Variants in MAPK10 observed in about 807,000 individuals in gnomAD.
MAPK10 encodes the protein mitogen-activated protein kinase 10.
MAPK10 carries 25 observed loss-of-function variants against 59.3 expected under a neutral mutation model. The ratio of observed to expected loss-of-function variants is 0.42; its 90% CI spans 0.31 to 0.59. MAPK10 has a LOEUF of 0.59. MAPK10 is among the 20% of genes least tolerant of loss of function. The pLI, the probability that MAPK10 is intolerant of heterozygous loss-of-function variation, is 0.15. For missense variants in MAPK10, 351 were observed against 568.9 expected (o/e 0.62, Z 3.90); for synonymous variants, 190 against 200.5 (o/e 0.95, Z 0.44).
intron 1 of MAPK10, among the ~76,000 whole-genome samples, chr4:86,548,870 C>G (rs530297675): frequency 2.5e-4 from 38 of 152,234 alleles, no homozygotes; most frequent in South Asian, 2.5e-3. Flanking sequence ...AAAGACTAAA[C>G]ACATTCTGAA....
At chr4:86,429,152 T>G (rs1450701326) in intron 1 of MAPK10, among the ~76,000 whole-genome samples, 1 of 152,206 alleles carries the variant, frequency 6.6e-6, no homozygotes, top group African/African-American at 2.4e-5. Flanking sequence ...GCCGCTTGCT[T>G]CCTCAGCACA....
At chr4:86,468,265 C>G (rs1247764987) in intron 1 of MAPK10, among the ~76,000 whole-genome samples, 2 of 152,020 alleles carry the variant, frequency 1.3e-5, no homozygotes, top group Non-Finnish European at 2.9e-5. Context: ...TTTTGCCTAC[C>G]TCTTGAGATG....
At chr4:86,343,602 C>G (rs1726364322) in intron 2 of MAPK10, among the ~76,000 whole-genome samples, 1 of 152,116 alleles carries the variant, frequency 6.6e-6, no homozygotes, top group African/African-American at 2.4e-5. Context: ...TTCACGGACC[C>G]CTGAGTGTCC....
chr4:86,072,145 T>G (rs1168642147), intron 9 of MAPK10, among the ~76,000 whole-genome samples: 2 of 151,250 alleles, frequency 1.3e-5, no homozygotes, highest in African/African-American at 4.9e-5. Context: ...TTTTATTCTC[T>G]TTGAAGCAAT....
intron 2 of MAPK10, among the ~76,000 whole-genome samples, chr4:86,248,692 G>A (rs2093254579): frequency 6.6e-6 from 1 of 152,124 alleles, no homozygotes; most frequent in Non-Finnish European, 1.5e-5. Flanking sequence ...TGAGAATCGG[G>A]ATATACGATC....
intron 11 of MAPK10, among the ~76,000 whole-genome samples, chr4:86,039,473 C>T (rs183835015): frequency 1.3e-5 from 2 of 152,298 alleles, no homozygotes; most frequent in Admixed American, 1.3e-4. Context: ...AGACACCAGG[C>T]TAGTACTTGT....
intron 1 of MAPK10, among the ~76,000 whole-genome samples, chr4:86,443,345 A>G (rs1749639896): frequency 6.6e-6 from 1 of 152,156 alleles, no homozygotes; most frequent in African/African-American, 2.4e-5. Flanking sequence ...CTCAGGAGAA[A>G]CTATTTTACC....
chr4:86,289,528 A>T (rs1452043963), intron 2 of MAPK10, among the ~76,000 whole-genome samples: 1 of 151,282 alleles, frequency 6.6e-6, no homozygotes, highest in East Asian at 1.9e-4. Flanking sequence ...ATAGTATGGG[A>T]TATGTTAATA....
intron 4 of MAPK10, among the ~76,000 whole-genome samples, chr4:86,109,141 C>G (rs1325333949): frequency 6.6e-6 from 1 of 152,198 alleles, no homozygotes; most frequent in Non-Finnish European, 1.5e-5. Context: ...TTCAACAATC[C>G]TGTTCTGACA....
chr4:86,203,775 G>A (rs912110044), intron 2 of MAPK10, among the ~76,000 whole-genome samples: 1 of 150,870 alleles, frequency 6.6e-6, no homozygotes, highest in African/African-American at 2.4e-5. Context: ...ATGTTCAAAA[G>A]GATTCTCCCT....
chr4:86,365,540 G>A (rs923232518), intron 1 of MAPK10, among the ~76,000 whole-genome samples: 1 of 139,376 alleles, frequency 7.2e-6, no homozygotes, highest in Non-Finnish European at 1.5e-5. Context: ...CCTTTTCCAT[G>A]TATAGCATAT....
At chr4:86,318,704 T>C (rs777767491) in intron 2 of MAPK10, among the ~76,000 whole-genome samples, 1 of 152,174 alleles carries the variant, frequency 6.6e-6, no homozygotes, top group Non-Finnish European at 1.5e-5. Flanking sequence ...TGGTAGCACT[T>C]ACATAAATCA....
intron 9 of MAPK10, among the ~76,000 whole-genome samples, chr4:86,074,718 A>G (rs561120767): frequency 3.8e-4 from 54 of 143,470 alleles, no homozygotes; most frequent in Non-Finnish European, 6.1e-4. Flanking sequence ...GTTGAATATT[A>G]GCCCCCACTC....
chr4:86,523,560 C>T (rs540894343), intron 1 of MAPK10, among the ~76,000 whole-genome samples: 5 of 152,332 alleles, frequency 3.3e-5, no homozygotes, highest in Admixed American at 2.6e-4. Context: ...CTCGGATTTA[C>T]ATCACCATTG....
At chr4:86,258,533 C>T (rs2093850716) in intron 2 of MAPK10, among the ~76,000 whole-genome samples, 1 of 152,134 alleles carries the variant, frequency 6.6e-6, no homozygotes, top group South Asian at 2.1e-4. Context: ...TTCACAATTA[C>T]ACTGGTAGAA....
intron 1 of MAPK10, among the ~76,000 whole-genome samples, chr4:86,459,131 T>C (rs926723105): frequency 1.3e-5 from 2 of 152,110 alleles, no homozygotes; most frequent in Non-Finnish European, 2.9e-5. Context: ...CAAAAGAGGA[T>C]ATACAAATGG....
At position 86,568,042 on chromosome 4, in the gene MAPK10, G is replaced by C. The variant is rs933125050; in HGVS notation, c.-263+25868C>G. ...CTGATGATATAATCTTATACATAGA[G>C]AACCCTGAAGACTCCTCCAAAAGAC... On this transcript the variant is annotated intron_variant, in intron 1 of 4. Coordinates refer to the MAPK10 transcript ENST00000502302. 2.6e-5 allele frequency among the ~76,000 whole-genome samples: 4 copies of C among 152,008 alleles called. No individual in the cohort carries two copies. In the East Asian group the frequency reaches 7.7e-4, roughly 29 times the overall value.
intron 3 of MAPK10, among the ~76,000 whole-genome samples, chr4:86,175,546 G>C (rs1413659569): frequency 1.3e-5 from 2 of 152,006 alleles, no homozygotes; most frequent in African/African-American, 4.8e-5. Flanking sequence ...GAGTTCTCGT[G>C]AGATCTGGTT....
At chr4:86,503,933 C>T (rs1270464105) in intron 1 of MAPK10, among the ~76,000 whole-genome samples, 1 of 152,058 alleles carries the variant, frequency 6.6e-6, no homozygotes, top group Non-Finnish European at 1.5e-5. Context: ...ATGCTCCCAC[C>T]TCTTGGGCTT....
Sources: gnomAD v4.1 joint callset for allele counts (sites outside exome capture counted in the v4.1 genomes callset) on GRCh38, gnomAD v4.1.1 for gene constraint, MANE v1.5 for transcripts, NCBI Gene and HGNC (gene_info 2026-07-23, HGNC 2026-07-21) for gene names.